The following SGCE variants were observed in gnomAD, a reference collection of about 807,000 sequenced individuals.
The protein encoded by SGCE is sarcoglycan epsilon, also known as epsilon-sarcoglycan.
Under a neutral mutation model 57.8 loss-of-function variants are expected in SGCE, and 26 were observed. The ratio of observed to expected loss-of-function variants is 0.45; its 90% CI spans 0.33 to 0.62. SGCE has a LOEUF of 0.62. SGCE is among the 20% of genes least tolerant of loss of function. The probability of loss-of-function intolerance (pLI) is 0.02; values close to 1 mark genes in which losing one functional copy is unlikely to be tolerated. For synonymous variants in SGCE, 183 were observed against 189.5 expected (o/e 0.97, Z 0.28); for missense variants, 468 against 548.6 (o/e 0.85, Z 1.47).
At chr7:94,589,518 G>C (rs1471735630) in intron 9 of SGCE, 2 of 152,452 alleles carry the variant, frequency 1.3e-5, no homozygotes, top group African/African-American at 4.8e-5. Flanking sequence ...CTGGGACACG[G>C]AACTGGGCTG....
At chr7:94,591,748 A>G (rs1797703516) in intron 9 of SGCE, among the ~76,000 whole-genome samples, 1 of 152,086 alleles carries the variant, frequency 6.6e-6, no homozygotes, top group South Asian at 2.1e-4. Flanking sequence ...CTCTTTTGCT[A>G]CATTGCTAAA....
At position 94,618,873 on chromosome 7, in the gene SGCE, A is replaced by G. The variant is rs1003818215; in HGVS notation, c.547T>C (p.Phe183Leu). The G allele has an allele frequency of 1.2e-6, 2 of 1,613,946 alleles. No individual in the cohort carries two copies. Among genetic ancestry groups the G allele is most frequent in the Middle Eastern group, 1.6e-4 (1 of 6,080 alleles). The change falls in exon 5 of 11, where the codon TTT (phenylalanine) becomes CTT (leucine). Residue 183 changes from phenylalanine to leucine, a missense_variant. Phe to Leu is a conservative substitution (Grantham distance 22). Transcript: ENST00000648936. ...CACACATTTTTCACTGCGCCAAGAA[A>G]GTCTCCAAGAACCTCACTGGCCAAC... ...EMLASEVLGD[F>L]LGAVKNVWQP... is the part of the protein sequence containing the mutation.
At chr7:94,604,851 A>ATATATATATT (rs1562815520) in intron 5 of SGCE, among the ~76,000 whole-genome samples, 1 of 102,488 alleles carries the variant, frequency 9.8e-6, no homozygotes, top group East Asian at 3.1e-4. Context: ...ATATATATAT[A>ATATATATATT]TATATATAAT....
In SGCE at chr7:94,636,926, G is replaced by A. The variant is rs182469549; in HGVS notation, c.110-7085C>T. Among the ~76,000 whole-genome samples the A allele has an allele frequency of 8.2e-4, 124 of 151,986 alleles. 1 individual carries two copies. The Middle Eastern group carries it at 0.01, about 13-fold the overall frequency. On this transcript the variant is annotated intron_variant, in intron 1 of 10. Transcript: ENST00000648936. The stretch of plus-strand genomic sequence containing the variant: ...TAAAAATACAAAAAATTAGCAGGGC[G>A]TGGTGGTGGGTGCCTATAATCCCAG...
chr7:94,624,729 C>T (rs898950766), intron 3 of SGCE: 1 of 152,092 alleles, frequency 6.6e-6, no homozygotes, highest in Non-Finnish European at 1.5e-5. Context: ...AAGTATGATC[C>T]TCTACTATTT....
At chr7:94,598,197 G>A (rs10232398) in intron 9 of SGCE, 124,304 of 159,914 alleles carry the variant, frequency 0.78, 49,114 homozygotes, top group African/African-American at 0.92. Context: ...CCTCACCCTT[G>A]TCTACTCCTT....
chr7:94,628,857 C>T lies in SGCE; in HGVS notation c.233-498G>A, dbSNP rs184700832. ...TACAAATCCATAACAACTGTACTAA[C>T]GACAGCATTTATTAATCACAAGCAA... is the stretch of plus-strand genomic sequence containing the variant. On this transcript the variant is annotated intron_variant, in intron 2 of 10. Coordinates refer to ENST00000648936, the MANE Select transcript of SGCE (RefSeq NM_003919.3). 3.8e-5 allele frequency: 6 copies of T among 159,684 alleles called. No individual in the cohort carries two copies. In the East Asian group the frequency reaches 5.4e-4, roughly 14 times the overall value. The allele number at this position is 159,684 out of a possible 1,614,324, so 9.9% of individuals were successfully genotyped here. A position where few individuals can be genotyped will look rare whatever the true frequency, so the allele number is the denominator to read the frequency against.
intron 4 of SGCE, among the ~76,000 whole-genome samples, chr7:94,623,040 T>C (rs1803061748): frequency 6.6e-6 from 1 of 152,108 alleles, no homozygotes; most frequent in African/African-American, 2.4e-5. Context: ...CCCACACTTA[T>C]AAGAGAAATG....
chr7:94,614,675 G>GAATTTA (rs1801613089), intron 5 of SGCE, among the ~76,000 whole-genome samples: 1 of 152,124 alleles, frequency 6.6e-6, no homozygotes, highest in African/African-American at 2.4e-5. Flanking sequence ...TTTTTCAGGT[G>GAATTTA]TAGAAATGTA....
At chr7:94,607,960 T>C (rs1180406391) in intron 5 of SGCE, among the ~76,000 whole-genome samples, 1 of 152,106 alleles carries the variant, frequency 6.6e-6, no homozygotes, top group Non-Finnish European at 1.5e-5. Context: ...TCAAAATACA[T>C]GAGGCAAGAG....
chr7:94,649,598 C>T (rs1024825497), intron 1 of SGCE, among the ~76,000 whole-genome samples: 1 of 152,230 alleles, frequency 6.6e-6, no homozygotes, highest in African/African-American at 2.4e-5. Context: ...GTGGCATCTT[C>T]AACAACAGGG....
intron 1 of SGCE, among the ~76,000 whole-genome samples, chr7:94,638,639 C>CAA (rs5885874): frequency 4.8e-4 from 55 of 115,176 alleles, no homozygotes; most frequent in African/African-American, 1.3e-3. Flanking sequence ...ATCATAAAGC[C>CAA]AAAAAAAAAA....
intron 6 of SGCE, among the ~76,000 whole-genome samples, chr7:94,602,714 T>G (rs1008672202): frequency 1.3e-5 from 2 of 152,192 alleles, no homozygotes; most frequent in Non-Finnish European, 2.9e-5. Flanking sequence ...TACATATATT[T>G]GAAACCTTAC....
At chr7:94,614,107 C>CAAAAAAAAAAAAAAAAA (rs925650428) in intron 5 of SGCE, among the ~76,000 whole-genome samples, 1 of 94,964 alleles carries the variant, frequency 1.1e-5, no homozygotes, top group African/African-American at 4.8e-5. Context: ...AAATTGAAAT[C>CAAAAAAAAAAAAAAAAA]AAAAAAAAAA....
chr7:94,633,611 C>T (rs977274273), intron 1 of SGCE, among the ~76,000 whole-genome samples: 22 of 151,872 alleles, frequency 1.4e-4, no homozygotes, highest in African/African-American at 5.3e-4. Flanking sequence ...TAACAGACCA[C>T]GAAAGCAGTA....
At chr7:94,606,325 C>T (rs982748861) in intron 5 of SGCE, among the ~76,000 whole-genome samples, 2 of 152,130 alleles carry the variant, frequency 1.3e-5, no homozygotes, top group African/African-American at 4.8e-5. Flanking sequence ...GCAGGAGGAG[C>T]TATATTAATT....
chr7:94,588,686 C>CA lies in SGCE; in HGVS notation c.1297+2dup, dbSNP rs1428200670. ...ACATTAATTTATTATTCTTAGCACT[C>CA]ACCTGTAGTCTGCTGTTGGGGAATC... On this transcript the variant is annotated splice_region_variant and intron_variant, in intron 10 of 10. Transcript: ENST00000648936. The CA allele has an allele frequency of 6.3e-7, 1 of 1,590,588 alleles. No homozygotes were observed. The highest frequency in any genetic ancestry group is 1.1e-5 in the South Asian group (1 of 90,578).
At chr7:94,587,475 T>C (rs1797060535) in intron 10 of SGCE, 1 of 1,254,000 alleles carries the variant, frequency 8.0e-7, no homozygotes, top group Admixed American at 4.4e-5. Flanking sequence ...ACGAAGAAGT[T>C]CTATCATTTC....
chr7:94,620,319 C>T (rs1030943016), intron 4 of SGCE: 16 of 152,230 alleles, frequency 1.1e-4, no homozygotes, highest in African/African-American at 3.1e-4. Context: ...TTTTTCAAAG[C>T]CCTAATCATA....
Sources: gnomAD v4.1 joint callset for allele counts (sites outside exome capture counted in the v4.1 genomes callset) on GRCh38, gnomAD v4.1.1 for gene constraint, MANE v1.5 for transcripts, NCBI Gene and HGNC (gene_info 2026-07-23, HGNC 2026-07-21) for gene names.